Variants in FHIT observed in about 807,000 individuals in gnomAD.
FHIT encodes the protein bis(5'-adenosyl)-triphosphatase.
Under a neutral mutation model 17.9 loss-of-function variants are expected in FHIT, and 19 were observed. The ratio of observed to expected loss-of-function variants is 1.06; its 90% CI spans 0.74 to 1.56. FHIT has a LOEUF of 1.56. FHIT is among the 40% of genes most tolerant of loss of function. The pLI is 0.00. For missense variants in FHIT, 248 were observed against 189.2 expected, an observed-to-expected ratio of 1.31 and a Z score of -1.82; for synonymous variants, 81 against 69.7, an observed-to-expected ratio of 1.16 and a Z score of -0.81.
intron 2 of FHIT, among the ~76,000 whole-genome samples, chr3:61,178,291 G>A (rs958553574): frequency 6.6e-6 from 1 of 151,974 alleles, no homozygotes; most frequent in Admixed American, 6.6e-5. Flanking sequence ...ATTTTCAGAG[G>A]TGGAAGGGAG....
At chr3:59,899,987 C>T (rs1219374498) in intron 8 of FHIT, among the ~76,000 whole-genome samples, 1 of 152,194 alleles carries the variant, frequency 6.6e-6, no homozygotes, top group African/African-American at 2.4e-5. Flanking sequence ...TGAGTATGGC[C>T]ATGTTCCAGT....
intron 5 of FHIT, among the ~76,000 whole-genome samples, chr3:60,214,488 G>A (rs998919821): frequency 6.6e-6 from 1 of 152,136 alleles, no homozygotes; most frequent in African/African-American, 2.4e-5. Context: ...GAGCCTCCCT[G>A]AACTGTCAAA....
chr3:60,957,040 C>T (rs1709199357), intron 3 of FHIT, among the ~76,000 whole-genome samples: 1 of 152,078 alleles, frequency 6.6e-6, no homozygotes, highest in African/African-American at 2.4e-5. Flanking sequence ...TTTACACACC[C>T]TCCCCATGAA....
At chr3:60,394,732 T>C (rs759443467) in intron 5 of FHIT, among the ~76,000 whole-genome samples, 1 of 152,182 alleles carries the variant, frequency 6.6e-6, no homozygotes, top group Non-Finnish European at 1.5e-5. Flanking sequence ...TTTAGAATAG[T>C]TCCTGGCACA....
At chr3:59,913,416 A>C (rs532881796) in intron 8 of FHIT, among the ~76,000 whole-genome samples, 1 of 152,334 alleles carries the variant, frequency 6.6e-6, no homozygotes, top group South Asian at 2.1e-4. Context: ...TTTGATATAA[A>C]CAAGCTTTGC....
At chr3:60,442,315 G>C (rs1024997402) in intron 5 of FHIT, among the ~76,000 whole-genome samples, 1 of 152,090 alleles carries the variant, frequency 6.6e-6, no homozygotes, top group Non-Finnish European at 1.5e-5. Flanking sequence ...CTGGTGGTGG[G>C]AAGATGGTCT....
chr3:60,706,265 G>A (rs1160676233), intron 4 of FHIT, among the ~76,000 whole-genome samples: 1 of 151,972 alleles, frequency 6.6e-6, no homozygotes, highest in Non-Finnish European at 1.5e-5. Flanking sequence ...GCAAGGGGAG[G>A]GATAGCATTA....
At chr3:61,051,458 C>T (rs1030016646) in intron 2 of FHIT, among the ~76,000 whole-genome samples, 2 of 152,184 alleles carry the variant, frequency 1.3e-5, no homozygotes, top group African/African-American at 4.8e-5. Flanking sequence ...CCATGTTGCC[C>T]AGGCTGATCT....
At chr3:61,021,300 G>A (rs1194931664) in intron 3 of FHIT, among the ~76,000 whole-genome samples, 2 of 152,178 alleles carry the variant, frequency 1.3e-5, no homozygotes, top group African/African-American at 4.8e-5. Context: ...CTCAGCAAAT[G>A]AAAAAGAACA....
chr3:59,957,259 G>C (rs544966514), intron 7 of FHIT, among the ~76,000 whole-genome samples: 6 of 152,334 alleles, frequency 3.9e-5, no homozygotes, highest in African/African-American at 1.4e-4. Context: ...TATAAGAAGA[G>C]AGGGAATTTG....
intron 4 of FHIT, among the ~76,000 whole-genome samples, chr3:60,578,612 A>G (rs1408093483): frequency 6.6e-6 from 1 of 152,160 alleles, no homozygotes; most frequent in Non-Finnish European, 1.5e-5. Flanking sequence ...CATATGTGGC[A>G]CAAGGTTTTG....
chr3:60,344,382 G>A (rs955139246), intron 5 of FHIT, among the ~76,000 whole-genome samples: 5 of 152,156 alleles, frequency 3.3e-5, no homozygotes, highest in African/African-American at 4.8e-5. Context: ...GGCAGCTAAT[G>A]CATAGAAATA....
intron 3 of FHIT, among the ~76,000 whole-genome samples, chr3:61,008,112 C>A (rs992095438): frequency 1.3e-5 from 2 of 152,194 alleles, no homozygotes; most frequent in African/African-American, 2.4e-5. Flanking sequence ...ACCTGCACAC[C>A]CATCTCCAGT....
chr3:60,165,968 GCCT>G (rs1359678001), intron 5 of FHIT, among the ~76,000 whole-genome samples: 3 of 152,132 alleles, frequency 2.0e-5, no homozygotes, highest in African/African-American at 7.2e-5. Flanking sequence ...TTACAAAAAT[GCCT>G]CCTTTGCTCT....
At chr3:60,450,638 C>A (rs1360820535) in intron 5 of FHIT, among the ~76,000 whole-genome samples, 2 of 152,006 alleles carry the variant, frequency 1.3e-5, no homozygotes, top group Non-Finnish European at 2.9e-5. Flanking sequence ...GAAGTGGGTT[C>A]CAGAGAGTTC....
chr3:61,220,299 AAC>A (rs2039803114), intron 1 of FHIT, among the ~76,000 whole-genome samples: 1 of 152,248 alleles, frequency 6.6e-6, no homozygotes, highest in Admixed American at 6.5e-5. Flanking sequence ...GCAGTTGGAA[AAC>A]ACAGCCCTGG....
chr3:60,636,845 C>T (rs2039600268), intron 4 of FHIT, among the ~76,000 whole-genome samples: 1 of 152,174 alleles, frequency 6.6e-6, no homozygotes, highest in African/African-American at 2.4e-5. Flanking sequence ...AAAGGGACAT[C>T]CTGTGACCTC....
intron 2 of FHIT, among the ~76,000 whole-genome samples, chr3:61,181,794 C>T (rs2038352440): frequency 6.6e-6 from 1 of 152,180 alleles, no homozygotes; most frequent in African/African-American, 2.4e-5. Flanking sequence ...TTTGTTTTGA[C>T]AATTTTTCCT....
At chr3:59,967,988 C>T (rs17061544) in intron 7 of FHIT, among the ~76,000 whole-genome samples, 7,250 of 152,094 alleles carry the variant, frequency 0.048, 225 homozygotes, top group Admixed American at 0.094. Context: ...AATACCTTTG[C>T]GAAGCATGTC....
Sources: gnomAD v4.1 joint callset for allele counts (sites outside exome capture counted in the v4.1 genomes callset) on GRCh38, gnomAD v4.1.1 for gene constraint, MANE v1.5 for transcripts, NCBI Gene and HGNC (gene_info 2026-07-23, HGNC 2026-07-21) for gene names.